The following ERC2 variants were observed in gnomAD, a reference collection of about 807,000 sequenced individuals.
The protein encoded by ERC2 is ELKS/RAB6-interacting/CAST family member 2.
A neutral mutation model predicts 114.8 loss-of-function variants in ERC2; 42 were observed. The observed-to-expected ratio is 0.37, with a 90% CI of 0.29 to 0.47. The LOEUF (loss-of-function observed/expected upper bound fraction) is 0.47. ERC2 is among the 20% of genes least tolerant of loss of function. The pLI is 0.99. For missense variants in ERC2, 939 were observed against 1,150.7 expected (o/e 0.82, Z 2.66); for synonymous variants, 454 against 425.5 (o/e 1.07, Z -0.82).
rs2063109794 is a variant in ERC2, at chr3:55,699,438, G to A, written c.2787C>T (p.His929=). ...ACCTCCCAGGAGATCGATGGTGGTG[G>A]TGATGGTGGTGGTGGTGGTAATGGT... The part of the protein sequence containing the change: ...DHHHYHHHHH[H]HHHRSPGRSQ... Residue 929 remains histidine, a synonymous_variant, in exon 16 of 18, where the codon CAC becomes CAT. Transcript: ENST00000288221. 1 of 1,613,814 alleles carries A rather than the reference G, an allele frequency of 6.2e-7. No individual in the cohort carries two copies. Among genetic ancestry groups the A allele is most frequent in the African/African-American group, 1.3e-5 (1 of 75,034 alleles).
At chr3:56,071,646 C>G (rs150965228) in intron 7 of ERC2, among the ~76,000 whole-genome samples, 1 of 152,330 alleles carries the variant, frequency 6.6e-6, no homozygotes, top group Non-Finnish European at 1.5e-5. Context: ...TTCCCTGACT[C>G]TCTTTAATTG....
rs1415410359 is a variant in ERC2 at position 56,434,976 on chromosome 3, A to G, written c.32T>C (p.Leu11Pro). The G allele has an allele frequency of 6.2e-7, 1 of 1,612,276 alleles. No individual in the cohort carries two copies. Among genetic ancestry groups the G allele is most frequent in the Non-Finnish European group, 8.5e-7 (1 of 1,179,738 alleles). The change falls in exon 2 of 18, where the codon CTG becomes CCG. Residue 11 changes from leucine (L) to proline (P), a missense_variant. By Grantham distance (98) the Leu-to-Pro change is moderately conservative. Transcript: ENST00000288221. MYGSARTITNLEGSPSRSPRL... is the reference protein window; with the variant it reads MYGSARTITNPEGSPSRSPRL... ...AGGGGATCTGGAAGGGCTACCTTCC[A>G]GATTGGTGATTGTTCTTGCACTTCC... is the stretch of plus-strand genomic sequence containing the variant.
At chr3:56,130,813 A>G (rs2149887734) in intron 6 of ERC2, among the ~76,000 whole-genome samples, 2 of 152,366 alleles carry the variant, frequency 1.3e-5, no homozygotes, top group African/African-American at 4.8e-5. Context: ...TAAAATCTGC[A>G]AAAGAGCTTA....
At chr3:55,799,369 T>TATATATATGCCTTATATATATATATGC in intron 14 of ERC2, among the ~76,000 whole-genome samples, 1 of 148,224 alleles carries the variant, frequency 6.7e-6, no homozygotes, top group East Asian at 2.0e-4. Context: ...TTCTTATATA[T>TATATATATGCCTTATATATATATATGC]ATATATATGC....
intron 1 of ERC2, among the ~76,000 whole-genome samples, chr3:56,438,366 C>T (rs186929157): frequency 2.0e-4 from 30 of 152,244 alleles, no homozygotes; most frequent in African/African-American, 6.5e-4. Flanking sequence ...TTCTTCCCTG[C>T]TATATAAACC....
At chr3:55,982,401 C>G (rs894422082) in intron 12 of ERC2, among the ~76,000 whole-genome samples, 1 of 151,940 alleles carries the variant, frequency 6.6e-6, no homozygotes, top group Non-Finnish European at 1.5e-5. Context: ...CACGTTTCCT[C>G]TTACCTAATA....
rs541226212 is a variant in ERC2 at position 56,199,005 on chromosome 3, C to T, written c.1075-25485G>A. 2.0e-5 allele frequency among the ~76,000 whole-genome samples: 3 copies of T among 152,268 alleles called. No homozygotes were observed. The South Asian group carries it at 6.2e-4, about 32-fold the overall frequency. On this transcript the variant is annotated intron_variant, in intron 3 of 17. Coordinates refer to ENST00000288221, the MANE Select transcript of ERC2 (RefSeq NM_015576.3). ...TGGATTATGGCTCAGTTTCTTTATT[C>T]ATTCAACAGGTATTTATTGAGCATC...
chr3:55,686,628 C>T (rs1040928870), intron 16 of ERC2, among the ~76,000 whole-genome samples: 1 of 152,110 alleles, frequency 6.6e-6, no homozygotes, highest in Admixed American at 6.6e-5. Context: ...TTTGGGGACC[C>T]AAAAATAAGA....
intron 17 of ERC2, among the ~76,000 whole-genome samples, chr3:55,540,085 G>A (rs2054294198): frequency 6.6e-6 from 1 of 152,158 alleles, no homozygotes; most frequent in African/African-American, 2.4e-5. Context: ...ATCTTAGGGA[G>A]TTCTTGGGAG....
At chr3:55,622,930 A>G (rs1182442360) in intron 17 of ERC2, among the ~76,000 whole-genome samples, 1 of 152,154 alleles carries the variant, frequency 6.6e-6, no homozygotes, top group East Asian at 1.9e-4. Flanking sequence ...TCTAAACCAG[A>G]ACATTCTGAT....
chr3:55,956,211 C>T (rs2067942095), intron 12 of ERC2, among the ~76,000 whole-genome samples: 1 of 152,176 alleles, frequency 6.6e-6, no homozygotes. Context: ...TTATGTCACA[C>T]ATTTAGCTCC....
chr3:56,447,395 G>A (rs2062627536), intron 1 of ERC2, among the ~76,000 whole-genome samples: 1 of 152,242 alleles, frequency 6.6e-6, no homozygotes, highest in Non-Finnish European at 1.5e-5. Flanking sequence ...CTCTGGGGCT[G>A]TGTAAGCCCG....
At chr3:55,671,971 C>T (rs2061579278) in intron 17 of ERC2, among the ~76,000 whole-genome samples, 1 of 152,172 alleles carries the variant, frequency 6.6e-6, no homozygotes, top group Admixed American at 6.5e-5. Context: ...AGAAGGCCTG[C>T]AGTGGAGAAA....
chr3:55,654,586 G>A (rs2060777732), intron 17 of ERC2, among the ~76,000 whole-genome samples: 1 of 152,266 alleles, frequency 6.6e-6, no homozygotes, highest in Non-Finnish European at 1.5e-5. Context: ...GAAGATAACA[G>A]AGGAGAATGG....
intron 15 of ERC2, among the ~76,000 whole-genome samples, chr3:55,725,652 C>T (rs940640555): frequency 8.5e-5 from 13 of 152,184 alleles, no homozygotes; most frequent in African/African-American, 3.1e-4. Flanking sequence ...GTGCTCCATG[C>T]ATGTTTAGGG....
intron 2 of ERC2, among the ~76,000 whole-genome samples, chr3:56,326,913 T>C (rs1470544390): frequency 2.0e-5 from 3 of 152,198 alleles, no homozygotes; most frequent in Non-Finnish European, 2.9e-5. Flanking sequence ...TGGATTTCTC[T>C]GGGGATCCCT....
chr3:56,156,959 AGCT>A (rs141132888), intron 4 of ERC2, among the ~76,000 whole-genome samples: 2,261 of 152,268 alleles, frequency 0.015, 62 homozygotes, highest in African/African-American at 0.051. Flanking sequence ...AAAAAACAAT[AGCT>A]GCTATGTATT....
chr3:55,867,585 G>T (rs868747918), intron 14 of ERC2, among the ~76,000 whole-genome samples: 3 of 152,136 alleles, frequency 2.0e-5, no homozygotes, highest in Admixed American at 6.5e-5. Context: ...AAATGCAATC[G>T]CATCTATGTG....
chr3:56,194,653 C>T (rs1477320743), intron 3 of ERC2, among the ~76,000 whole-genome samples: 1 of 152,134 alleles, frequency 6.6e-6, no homozygotes, highest in Admixed American at 6.6e-5. Context: ...GCTACACTGA[C>T]TTTATTTTTT....
Sources: allele counts gnomAD v4.1 joint callset (sites outside exome capture counted in the v4.1 genomes callset), GRCh38; gene constraint gnomAD v4.1.1; transcripts MANE v1.5; gene names NCBI Gene and HGNC (gene_info 2026-07-23, HGNC 2026-07-21).